Variants in DNAH12 observed in about 807,000 individuals in gnomAD.
DNAH12 encodes the protein dynein axonemal heavy chain 12, also known as axonemal beta dynein heavy chain 12.
In DNAH12, 285 loss-of-function variants were observed where a neutral mutation model predicts 371.5. The ratio of observed to expected loss-of-function variants is 0.77; its 90% CI spans 0.70 to 0.85. DNAH12 has a LOEUF of 0.85. Among genes scored for constraint, DNAH12 ranks in the 40% least tolerant of loss-of-function variants. DNAH12 has a pLI of 0.00. For synonymous variants in DNAH12, 1,200 were observed against 1,213.0 expected (o/e 0.99, Z 0.22); for missense variants, 3,611 against 3,689.4 (o/e 0.98, Z 0.55).
At chr3:57,533,695 A>G (rs1175884176) in intron 2 of DNAH12, among the ~76,000 whole-genome samples, 1 of 152,214 alleles carries the variant, frequency 6.6e-6, no homozygotes, top group Non-Finnish European at 1.5e-5. Flanking sequence ...CTGGTGCCCT[A>G]TCCTAGTGTG....
intron 17 of DNAH12, among the ~76,000 whole-genome samples, chr3:57,464,673 A>G (rs1315169855): frequency 1.3e-5 from 2 of 152,206 alleles, no homozygotes; most frequent in Non-Finnish European, 2.9e-5. Flanking sequence ...ACTGACTCTA[A>G]CCAGACAGGG....
chr3:57,393,158 T>A (rs1003990976), intron 44 of DNAH12, among the ~76,000 whole-genome samples: 2,568 of 152,294 alleles, frequency 0.017, 30 homozygotes, highest in South Asian at 0.052. Context: ...AGAACTCTTA[T>A]CTGTGCTGCC....
intron 51 of DNAH12, among the ~76,000 whole-genome samples, chr3:57,379,603 G>A (rs1038216405): frequency 6.1e-4 from 93 of 152,114 alleles, no homozygotes; most frequent in Non-Finnish European, 1.0e-3. Flanking sequence ...CACTTTGGGA[G>A]GCCAAGGCTG....
intron 58 of DNAH12, among the ~76,000 whole-genome samples, chr3:57,358,447 C>T (rs2062849025): frequency 6.6e-6 from 1 of 152,072 alleles, no homozygotes; most frequent in South Asian, 2.1e-4. Flanking sequence ...TTCCGTTCAT[C>T]CTTGAGGTCT....
upstream of DNAH12, among the ~76,000 whole-genome samples, chr3:57,547,246 T>G (rs572764818): frequency 4.0e-5 from 6 of 151,674 alleles, no homozygotes; most frequent in African/African-American, 1.2e-4. Flanking sequence ...ATAGATGATA[T>G]GTATTATATC....
intron 9 of DNAH12, 65 bp downstream of exon 9, chr3:57,503,951 T>C: frequency 1.5e-6 from 2 of 1,324,070 alleles, no homozygotes; most frequent in Non-Finnish European, 1.1e-6. Flanking sequence ...TATGTACACA[T>C]ACACTGCATA....
At position 57,298,604 on chromosome 3, in the gene DNAH12, T is replaced by C. The variant is rs139591420; in HGVS notation, c.11395-1620A>G. ...TTATAATGGAATCAATCCAAAGTGG[T>C]ACAGTGCTTTTTATCCCATAAGCTA... On this transcript the variant is annotated intron_variant, in intron 70 of 73. Coordinates refer to ENST00000495027, the MANE Select transcript of DNAH12 (RefSeq NM_001366028.2). Among the ~76,000 whole-genome samples the C allele has an allele frequency of 7.2e-5, 11 of 152,376 alleles. No individual in the cohort carries two copies. In the East Asian group the frequency reaches 2.1e-3, roughly 29 times the overall value.
chr3:57,436,944 A>AT lies in DNAH12; in HGVS notation c.4655+6dup. 2.8e-6 allele frequency: 4 copies of AT among 1,411,608 alleles called. No individual in the cohort carries two copies. Among genetic ancestry groups the AT allele is most frequent in the Non-Finnish European group, 3.8e-6 (4 of 1,059,976 alleles). The allele number at this position is 1,411,608 out of a possible 1,614,324, so 87.4% of individuals were successfully genotyped here. ...TAACATCTAACTATAGCAATATATA[A>AT]TCTTACCCATGTCTAACAATCATCA... On this transcript the variant is annotated splice_region_variant and intron_variant, in intron 30 of 73. Coordinates refer to ENST00000495027, the MANE Select transcript of DNAH12 (RefSeq NM_001366028.2).
chr3:57,298,447 T>A (rs983637195), intron 70 of DNAH12, among the ~76,000 whole-genome samples: 6 of 152,188 alleles, frequency 3.9e-5, no homozygotes, highest in African/African-American at 1.4e-4. Flanking sequence ...ACAGATGAAG[T>A]GCAAGAAGCC....
intron 50 of DNAH12, among the ~76,000 whole-genome samples, 187 bp downstream of exon 50, chr3:57,382,075 C>T (rs1559602448): frequency 6.6e-6 from 1 of 152,052 alleles, no homozygotes; most frequent in East Asian, 1.9e-4. Context: ...ACCAGGTTAG[C>T]CAGACTGGTC....
intron 38 of DNAH12, 25 bp from the exon 39 acceptor site, chr3:57,413,937 T>A: frequency 6.5e-7 from 1 of 1,536,854 alleles, no homozygotes; most frequent in Non-Finnish European, 8.8e-7. Context: ...AAGAATGGTA[T>A]ATTTACCTAT....
At chr3:57,379,842 C>CAAAAA (rs1170490495) in intron 51 of DNAH12, among the ~76,000 whole-genome samples, 4 of 22,374 alleles carry the variant, frequency 1.8e-4, no homozygotes, top group African/African-American at 3.9e-4. Context: ...CTCTGTCTCC[C>CAAAAA]AAAAAAAAAA....
chr3:57,403,562 T>G, intron 42 of DNAH12, 61 bp from the exon 43 acceptor site: 1 of 1,405,928 alleles, frequency 7.1e-7, no homozygotes, highest in Non-Finnish European at 9.5e-7. Context: ...TATAGTTACA[T>G]GTAACTATTG....
intron 43 of DNAH12, among the ~76,000 whole-genome samples, chr3:57,400,452 C>T (rs897901257): frequency 2.0e-5 from 3 of 152,116 alleles, no homozygotes; most frequent in African/African-American, 7.2e-5. Flanking sequence ...AGTAGTCCCC[C>T]CTTATCCATG....
intron 57 of DNAH12, among the ~76,000 whole-genome samples, chr3:57,364,017 C>A (rs1271482533): frequency 6.6e-6 from 1 of 152,082 alleles, no homozygotes; most frequent in African/African-American, 2.4e-5. Context: ...TCTAAGAACA[C>A]ATTAGACTTA....
At chr3:57,404,421 A>C (rs544584581) in intron 42 of DNAH12, among the ~76,000 whole-genome samples, 27 of 152,192 alleles carry the variant, frequency 1.8e-4, no homozygotes, top group Non-Finnish European at 3.8e-4. Context: ...AAGTTCTAAG[A>C]AACAAAAGTT....
At chr3:57,447,507 C>A (rs2065548134) in intron 25 of DNAH12, among the ~76,000 whole-genome samples, 1 of 152,144 alleles carries the variant, frequency 6.6e-6, no homozygotes, top group African/African-American at 2.4e-5. Context: ...GTGAACTCTG[C>A]AGTTTGCTCT....
At chr3:57,376,607 A>G (rs1390342921) in intron 53 of DNAH12, among the ~76,000 whole-genome samples, 2 of 152,180 alleles carry the variant, frequency 1.3e-5, no homozygotes, top group Non-Finnish European at 2.9e-5. Context: ...CAAGCCAGTT[A>G]TATCTTCCTT....
intron 37 of DNAH12, among the ~76,000 whole-genome samples, chr3:57,419,138 C>T (rs965148229): frequency 6.6e-6 from 1 of 152,140 alleles, no homozygotes; most frequent in Non-Finnish European, 1.5e-5. Flanking sequence ...AAATGTAAGG[C>T]AACTTATGAG....
Sources: gnomAD v4.1 joint callset for allele counts (sites outside exome capture counted in the v4.1 genomes callset) on GRCh38, gnomAD v4.1.1 for gene constraint, MANE v1.5 for transcripts, NCBI Gene and HGNC (gene_info 2026-07-23, HGNC 2026-07-21) for gene names.